The following STXBP6 variants were observed in gnomAD, a reference collection of about 807,000 sequenced individuals.
STXBP6 encodes syntaxin-binding protein 6.
A neutral mutation model predicts 26.9 loss-of-function variants in STXBP6; 21 were observed. The ratio of observed to expected loss-of-function variants is 0.78; its 90% CI spans 0.55 to 1.12. The LOEUF (loss-of-function observed/expected upper bound fraction) is 1.12, where lower values mean the gene tolerates loss of function less well. STXBP6 is among the 50% of genes most tolerant of loss of function. The pLI is 0.00. For synonymous variants in STXBP6, 97 were observed against 92.6 expected, an observed-to-expected ratio of 1.05 and a Z score of -0.27; for missense variants, 232 against 257.9, an observed-to-expected ratio of 0.90 and a Z score of 0.69.
intron 1 of STXBP6, among the ~76,000 whole-genome samples, chr14:25,038,776 A>C (rs1351574641): frequency 6.6e-6 from 1 of 152,140 alleles, no homozygotes; most frequent in African/African-American, 2.4e-5. Flanking sequence ...GTGTTTATCT[A>C]TATAACAAAC....
chr14:24,995,831 T>C (rs2074588164), intron 1 of STXBP6, among the ~76,000 whole-genome samples: 1 of 152,192 alleles, frequency 6.6e-6, no homozygotes, highest in Admixed American at 6.5e-5. Context: ...TAATTCAATG[T>C]CTGTTCTAAA....
chr14:25,017,320 T>C (rs905285957), intron 1 of STXBP6, among the ~76,000 whole-genome samples: 2 of 152,212 alleles, frequency 1.3e-5, no homozygotes, highest in Non-Finnish European at 2.9e-5. Flanking sequence ...ACCCATGTCA[T>C]ACTGTGACTC....
chr14:24,888,577 G>A (rs188089727), intron 2 of STXBP6, among the ~76,000 whole-genome samples: 153 of 152,180 alleles, frequency 1.0e-3, no homozygotes, highest in Middle Eastern at 3.4e-3. Context: ...ACAAAAATTA[G>A]CTGGGCGTGG....
chr14:25,024,456 C>T (rs918303854), intron 1 of STXBP6, among the ~76,000 whole-genome samples: 6 of 152,130 alleles, frequency 3.9e-5, no homozygotes, highest in Admixed American at 2.0e-4. Context: ...GTAGTAAGTT[C>T]AAGAACGAAC....
At chr14:24,875,673 C>T (rs752990786) in intron 2 of STXBP6, among the ~76,000 whole-genome samples, 20 of 152,280 alleles carry the variant, frequency 1.3e-4, no homozygotes, top group Non-Finnish European at 2.9e-4. Flanking sequence ...TTTTCTATTT[C>T]ACTTAAGAGG....
chr14:24,975,385 T>C (rs1216449405), intron 1 of STXBP6, among the ~76,000 whole-genome samples: 1 of 152,206 alleles, frequency 6.6e-6, no homozygotes, highest in Non-Finnish European at 1.5e-5. Flanking sequence ...ATTAAATTAA[T>C]ACCCTTCTTC....
chr14:24,978,561 T>C (rs1168637852), intron 1 of STXBP6, among the ~76,000 whole-genome samples: 1 of 152,228 alleles, frequency 6.6e-6, no homozygotes, highest in Non-Finnish European at 1.5e-5. Flanking sequence ...TGATCACTAG[T>C]TACTCCAACC....
intron 2 of STXBP6, among the ~76,000 whole-genome samples, chr14:24,869,421 G>T (rs1267196317): frequency 6.6e-6 from 1 of 152,142 alleles, no homozygotes; most frequent in East Asian, 1.9e-4. Flanking sequence ...AGCAGCCTAT[G>T]AATCATTCCC....
At chr14:25,046,775 G>C (rs1417001328) in intron 1 of STXBP6, among the ~76,000 whole-genome samples, 1 of 152,132 alleles carries the variant, frequency 6.6e-6, no homozygotes, top group Non-Finnish European at 1.5e-5. Context: ...ATGGCGTGGG[G>C]GAAAAGGAAA....
intron 2 of STXBP6, among the ~76,000 whole-genome samples, chr14:24,917,394 T>G (rs2071806177): frequency 6.6e-6 from 1 of 152,080 alleles, no homozygotes; most frequent in Non-Finnish European, 1.5e-5. Flanking sequence ...GAAAAGGCTG[T>G]CACCAGCACT....
At position 24,961,019 on chromosome 14, in the gene STXBP6, C is replaced by T. The variant is rs531087004; in HGVS notation, c.154+13646G>A. On this transcript the variant is annotated intron_variant, in intron 2 of 5. Coordinates refer to ENST00000323944, the MANE Select transcript of STXBP6 (RefSeq NM_001394410.1). ...CCAATTTCTGCAGGCCCCATTTTTT[C>T]GTGTAAACATTGGCATCAGCTTTGA... Among the ~76,000 whole-genome samples the T allele has an allele frequency of 2.0e-3, 297 of 152,260 alleles. 4 individuals carry two copies. Among genetic ancestry groups the T allele is most frequent in the African/African-American group, 7.0e-3 (292 of 41,576 alleles).
intron 2 of STXBP6, among the ~76,000 whole-genome samples, chr14:24,922,824 A>G (rs1159351480): frequency 6.6e-6 from 1 of 152,138 alleles, no homozygotes; most frequent in Non-Finnish European, 1.5e-5. Flanking sequence ...CTAGTCATTA[A>G]TTAACTTAAA....
chr14:24,911,605 G>A (rs1471686216), intron 2 of STXBP6, among the ~76,000 whole-genome samples: 2 of 152,130 alleles, frequency 1.3e-5, no homozygotes, highest in African/African-American at 4.8e-5. Flanking sequence ...TATATCTAAC[G>A]CCTGAGTGTC....
chr14:24,987,812 A>G (rs1046061967), intron 1 of STXBP6: 1 of 984,764 alleles, frequency 1.0e-6, no homozygotes, highest in Non-Finnish European at 1.2e-6. Flanking sequence ...GTGTGAACAT[A>G]TTCTTAAAAA....
chr14:24,831,356 C>T (rs770122622), intron 4 of STXBP6, among the ~76,000 whole-genome samples: 31 of 152,178 alleles, frequency 2.0e-4, no homozygotes, highest in Non-Finnish European at 2.4e-4. Flanking sequence ...ATTTCCTTCA[C>T]TGTGTCTCAT....
chr14:24,915,280 A>G (rs1391208260), intron 2 of STXBP6, among the ~76,000 whole-genome samples: 1 of 152,146 alleles, frequency 6.6e-6, no homozygotes, highest in Non-Finnish European at 1.5e-5. Context: ...ATTCCTTCAG[A>G]CAGTGGTAAA....
rs188700580 is a variant in STXBP6 at position 24,811,340 on chromosome 14, A to T, written c.*1369T>A. On this transcript the variant is annotated 3_prime_UTR_variant, in exon 6 of 6. Transcript: ENST00000323944. ...CAGCAAAATGGATAGGATGGAATAGATAGGGGTCCTGAAGATTCAGGCAGC... is the reference window on the plus strand; with the variant it reads ...CAGCAAAATGGATAGGATGGAATAGTTAGGGGTCCTGAAGATTCAGGCAGC... The T allele has an allele frequency of 6.6e-6, 1 of 152,186 alleles. No homozygotes were observed. The highest frequency in any genetic ancestry group is 1.5e-5 in the Non-Finnish European group (1 of 68,040). 9.4% of individuals were successfully genotyped at this position (152,186 alleles called of 1,614,324 possible).
intron 3 of STXBP6, among the ~76,000 whole-genome samples, chr14:24,856,471 T>G (rs1416184372): frequency 2.6e-5 from 4 of 152,162 alleles, no homozygotes; most frequent in South Asian, 4.1e-4. Flanking sequence ...AGATTCCCTC[T>G]TGTTATTTTA....
In STXBP6 at chr14:24,953,431, C is replaced by T. The variant is rs576441386; in HGVS notation, c.154+21234G>A. Among the ~76,000 whole-genome samples the T allele has an allele frequency of 1.4e-3, 207 of 152,296 alleles. 3 individuals carry two copies. Among genetic ancestry groups the T allele is most frequent in the Admixed American group, 6.5e-3 (99 of 15,298 alleles). On this transcript the variant is annotated intron_variant, in intron 2 of 5. Coordinates refer to ENST00000323944, the MANE Select transcript of STXBP6 (RefSeq NM_001394410.1). ...CTCTGTTTGCTGAGCTGCAGTCACA[C>T]TGGCCTTCTTTGTGTTCCTCCAAGT...
Sources: gnomAD v4.1 joint callset for allele counts (sites outside exome capture counted in the v4.1 genomes callset) on GRCh38, gnomAD v4.1.1 for gene constraint, MANE v1.5 for transcripts, NCBI Gene and HGNC (gene_info 2026-07-23, HGNC 2026-07-21) for gene names.